Variants in PREP observed in about 807,000 individuals in gnomAD.
PREP encodes dJ355L5.1 (prolyl endopeptidase).
In PREP, 29 loss-of-function variants were observed where a neutral mutation model predicts 87.6. That is an observed-to-expected ratio of 0.33 (90% confidence interval 0.25 to 0.45). The LOEUF (loss-of-function observed/expected upper bound fraction) is 0.45. Among genes scored for constraint, PREP ranks in the 20% least tolerant of loss-of-function variants. The probability of loss-of-function intolerance (pLI) is 1.00; values close to 1 mark genes in which losing one functional copy is unlikely to be tolerated. For synonymous variants in PREP, 337 were observed against 328.6 expected, an observed-to-expected ratio of 1.03 and a Z score of -0.28; for missense variants, 695 against 886.5, an observed-to-expected ratio of 0.78 and a Z score of 2.74.
intron 1 of PREP, 32 bp downstream of exon 1, chr6:105,402,815 G>A (rs1773470136): frequency 6.5e-7 from 1 of 1,532,550 alleles, no homozygotes; most frequent in Non-Finnish European, 8.8e-7. Flanking sequence ...CCTTTGCCCG[G>A]GAGCCCTCTG....
At chr6:105,365,625 T>A (rs1180676918) in intron 6 of PREP, among the ~76,000 whole-genome samples, 4 of 152,000 alleles carry the variant, frequency 2.6e-5, no homozygotes, top group Non-Finnish European at 5.9e-5. Flanking sequence ...ACAGCTGGGT[T>A]GGGAAAGGAG....
intron 10 of PREP, among the ~76,000 whole-genome samples, chr6:105,311,885 A>G (rs117099854): frequency 6.6e-6 from 1 of 151,948 alleles, no homozygotes; most frequent in African/African-American, 2.4e-5. Flanking sequence ...ATCCCAGAAC[A>G]CTCCTTCGTT....
chr6:105,332,878 T>G (rs929721601), intron 8 of PREP, among the ~76,000 whole-genome samples: 1 of 152,222 alleles, frequency 6.6e-6, no homozygotes, highest in African/African-American at 2.4e-5. Flanking sequence ...CTATTCCCTT[T>G]TCTAATAAGA....
At chr6:105,323,801 C>T (rs773424001) in intron 9 of PREP, 33 bp from the exon 10 acceptor site, 22 of 1,537,156 alleles carry the variant, frequency 1.4e-5, no homozygotes, top group East Asian at 1.1e-4. Flanking sequence ...GTTTAGTCTA[C>T]GGGACTCACT....
intron 10 of PREP, among the ~76,000 whole-genome samples, chr6:105,306,756 C>T (rs1294020649): frequency 6.6e-6 from 1 of 151,798 alleles, no homozygotes; most frequent in Admixed American, 6.6e-5. Flanking sequence ...CCACCATCCC[C>T]GCCCCCACCA....
intron 2 of PREP, among the ~76,000 whole-genome samples, chr6:105,395,644 T>C (rs1049525730): frequency 1.3e-5 from 2 of 152,212 alleles, no homozygotes; most frequent in African/African-American, 2.4e-5. Context: ...CATCCACTAA[T>C]TGGAAGCCTG....
chr6:105,350,848 G>A (rs114149395), intron 7 of PREP, among the ~76,000 whole-genome samples: 224 of 152,242 alleles, frequency 1.5e-3, no homozygotes, highest in African/African-American at 5.0e-3. Context: ...AAAAGATAAC[G>A]GGCTCAGTGC....
intron 7 of PREP, among the ~76,000 whole-genome samples, chr6:105,339,886 T>C (rs986715058): frequency 3.3e-5 from 5 of 152,220 alleles, no homozygotes; most frequent in Non-Finnish European, 5.9e-5. Context: ...TATGGGACTA[T>C]GTGAAAAGAT....
intron 2 of PREP, among the ~76,000 whole-genome samples, chr6:105,385,593 T>C (rs2114723487): frequency 6.6e-6 from 1 of 152,270 alleles, no homozygotes; most frequent in East Asian, 1.9e-4. Flanking sequence ...TTAATTGCAA[T>C]AAAAGAACTT....
chr6:105,351,087 T>A (rs1446384406), intron 7 of PREP, among the ~76,000 whole-genome samples: 1 of 152,248 alleles, frequency 6.6e-6, no homozygotes, highest in African/African-American at 2.4e-5. Context: ...ATGGTCTTTT[T>A]GCTATCAACT....
At chr6:105,298,203 G>A (rs1770452872) in intron 10 of PREP, 1 of 152,296 alleles carries the variant, frequency 6.6e-6, no homozygotes, top group Admixed American at 6.5e-5. Flanking sequence ...TCACCTGAGA[G>A]AGACCCAGAA....
At chr6:105,311,998 C>T (rs1161723688) in intron 10 of PREP, among the ~76,000 whole-genome samples, 1 of 152,218 alleles carries the variant, frequency 6.6e-6, no homozygotes, top group Admixed American at 6.5e-5. Context: ...TCAGATTATA[C>T]TCTTTCTAAG....
At chr6:105,347,667 T>A (rs1353052631) in intron 7 of PREP, among the ~76,000 whole-genome samples, 1 of 152,114 alleles carries the variant, frequency 6.6e-6, no homozygotes, top group African/African-American at 2.4e-5. Context: ...TATTCAAAAA[T>A]TTATTCTGAA....
intron 7 of PREP, among the ~76,000 whole-genome samples, chr6:105,350,405 C>T (rs1037655525): frequency 2.6e-5 from 4 of 151,860 alleles, no homozygotes; most frequent in African/African-American, 9.7e-5. Context: ...AGTGGCGGAG[C>T]TGAGAGTAAA....
intron 7 of PREP, among the ~76,000 whole-genome samples, chr6:105,349,898 T>TAAAAA (rs1162063177): frequency 7.7e-4 from 46 of 59,430 alleles, no homozygotes; most frequent in African/African-American, 1.9e-3. Context: ...GGGAAGCAGG[T>TAAAAA]AAAAAAAAAA....
At chr6:105,358,837 T>C (rs1053198695) in intron 6 of PREP, among the ~76,000 whole-genome samples, 1 of 152,162 alleles carries the variant, frequency 6.6e-6, no homozygotes, top group African/African-American at 2.4e-5. Context: ...TACTTGGTTA[T>C]GCCATTCGTC....
At chr6:105,331,140 C>T (rs1264681408) in intron 8 of PREP, among the ~76,000 whole-genome samples, 1 of 152,152 alleles carries the variant, frequency 6.6e-6, no homozygotes, top group Non-Finnish European at 1.5e-5. Context: ...CTTTATGACT[C>T]ATCTCTAGTT....
At chr6:105,402,736 G>A (rs894275989) in intron 1 of PREP, 111 bp downstream of exon 1, 35 of 1,012,656 alleles carry the variant, frequency 3.5e-5, no homozygotes, top group Non-Finnish European at 4.6e-5. Flanking sequence ...AGGGGGAGGG[G>A]AGGGACGCGG....
intron 2 of PREP, among the ~76,000 whole-genome samples, chr6:105,395,441 C>T (rs1398566100): frequency 6.6e-6 from 1 of 152,186 alleles, no homozygotes; most frequent in African/African-American, 2.4e-5. Flanking sequence ...TCAATTTCTT[C>T]ATCTGTAAAA....
Sources: allele counts gnomAD v4.1 joint callset (sites outside exome capture counted in the v4.1 genomes callset), GRCh38; gene constraint gnomAD v4.1.1; transcripts MANE v1.5; gene names NCBI Gene and HGNC (gene_info 2026-07-23, HGNC 2026-07-21).